The following RNLS variants were observed in gnomAD, a reference collection of about 807,000 sequenced individuals.
The protein encoded by RNLS is renalase, FAD dependent amine oxidase.
In RNLS, 39 loss-of-function variants were observed where a neutral mutation model predicts 39.8. The ratio of observed to expected loss-of-function variants is 0.98; its 90% CI spans 0.76 to 1.28. The LOEUF (loss-of-function observed/expected upper bound fraction) is 1.28, where lower values mean the gene tolerates loss of function less well. RNLS is among the 50% of genes most tolerant of loss of function. The probability of loss-of-function intolerance (pLI) is 0.00; values close to 1 mark genes in which losing one functional copy is unlikely to be tolerated. For missense variants in RNLS, 410 were observed against 413.3 expected (o/e 0.99, Z 0.07); for synonymous variants, 147 against 150.7 (o/e 0.98, Z 0.18).
At chr10:88,475,136 G>A (rs1218919365) in intron 4 of RNLS, among the ~76,000 whole-genome samples, 1 of 152,124 alleles carries the variant, frequency 6.6e-6, no homozygotes, top group East Asian at 1.9e-4. Flanking sequence ...AGGGCGACAG[G>A]GCAGCCCTGG....
intron 4 of RNLS, among the ~76,000 whole-genome samples, chr10:88,364,588 T>C (rs1176371966): frequency 6.6e-6 from 1 of 152,154 alleles, no homozygotes; most frequent in African/African-American, 2.4e-5. Context: ...TTTCCTCTGC[T>C]CATCTGCAAG....
chr10:88,551,536 G>A (rs2134338494), intron 4 of RNLS, among the ~76,000 whole-genome samples: 1 of 152,298 alleles, frequency 6.6e-6, no homozygotes, highest in East Asian at 1.9e-4. Context: ...TTGAATTGGT[G>A]CTCAAGTGAA....
chr10:88,566,344 T>C (rs983561018), intron 4 of RNLS, among the ~76,000 whole-genome samples: 1 of 152,114 alleles, frequency 6.6e-6, no homozygotes, highest in Non-Finnish European at 1.5e-5. Context: ...TGAGAACACA[T>C]ACCTTAACTG....
At chr10:88,222,200 G>T in the RNLS span, among the ~76,000 whole-genome samples, 2 of 152,182 alleles carry the variant, frequency 1.3e-5, no homozygotes, top group Non-Finnish European at 2.9e-5. Flanking sequence ...GACAAGGGAA[G>T]TCTGGTCAGC....
rs898115556 is a variant in RNLS, at chr10:88,520,426, A to C, written c.526+52477T>G. 9.2e-5 allele frequency among the ~76,000 whole-genome samples: 14 copies of C among 152,158 alleles called. No individual in the cohort carries two copies. The South Asian group carries it at 2.9e-3, about 32-fold the overall frequency. On this transcript the variant is annotated intron_variant, in intron 4 of 6. Coordinates refer to ENST00000331772, the MANE Select transcript of RNLS (RefSeq NM_001031709.3). The stretch of plus-strand genomic sequence containing the variant: ...CTTGTGAATTGTCTTCTGGCAGGTC[A>C]GTTTCACCAATCTCATAGACATGCC...
intron 4 of RNLS, among the ~76,000 whole-genome samples, chr10:88,545,131 CGAT>C (rs530804419): frequency 2.0e-3 from 301 of 152,136 alleles, no homozygotes; most frequent in Middle Eastern, 6.8e-3. Context: ...TTAGCTGGAG[CGAT>C]TCTTCTAAGA....
At chr10:88,568,760 G>T (rs1426027715) in intron 4 of RNLS, among the ~76,000 whole-genome samples, 1 of 152,168 alleles carries the variant, frequency 6.6e-6, no homozygotes, top group Non-Finnish European at 1.5e-5. Context: ...CTCAACCCTG[G>T]CTGCACAGTA....
intron 4 of RNLS, among the ~76,000 whole-genome samples, chr10:88,520,313 TTA>T (rs1183751653): frequency 6.6e-6 from 1 of 152,006 alleles, no homozygotes; most frequent in Non-Finnish European, 1.5e-5. Context: ...CTCGCAACAA[TTA>T]TTAAAGTTTT....
At chr10:88,370,145 A>C (rs1485886508) in intron 4 of RNLS, among the ~76,000 whole-genome samples, 1 of 152,158 alleles carries the variant, frequency 6.6e-6, no homozygotes. Flanking sequence ...GTAGAGATCA[A>C]CCTCTTAAAA....
intron 4 of RNLS, among the ~76,000 whole-genome samples, chr10:88,464,295 C>A (rs1843090677): frequency 6.6e-6 from 1 of 152,048 alleles, no homozygotes; most frequent in Non-Finnish European, 1.5e-5. Flanking sequence ...CCTTTATTTT[C>A]TTCTATTTAA....
chr10:88,417,134 T>C (rs192020783), intron 4 of RNLS, among the ~76,000 whole-genome samples: 32 of 152,336 alleles, frequency 2.1e-4, no homozygotes, highest in African/African-American at 7.2e-4. Flanking sequence ...AGCTAAGTTA[T>C]TTTTATTTTC....
intron 3 of RNLS, among the ~76,000 whole-genome samples, chr10:88,577,100 T>C (rs939374931): frequency 1.3e-5 from 2 of 152,134 alleles, no homozygotes; most frequent in African/African-American, 4.8e-5. Context: ...AGGTGACCAA[T>C]TTCCCAGGTT....
chr10:88,284,265 T>C lies in RNLS; in HGVS notation c.*1089A>G. 1.0e-6 allele frequency: 1 copy of C among 985,392 alleles called. No individual in the cohort carries two copies. The highest frequency in any genetic ancestry group is 1.2e-6 in the Non-Finnish European group (1 of 829,912). 61.0% of individuals were successfully genotyped at this position (985,392 alleles called of 1,614,324 possible). A position where few individuals can be genotyped will look rare whatever the true frequency, so the allele number is the denominator to read the frequency against. ...GTAAGTGTGAAACTTTAAACACTAT[T>C]ACAGTAAGAAGTCTTTTGTTGAACT... is the stretch of plus-strand genomic sequence containing the variant. On this transcript the variant is annotated 3_prime_UTR_variant, in exon 7 of 7. Coordinates refer to ENST00000331772, the MANE Select transcript of RNLS (RefSeq NM_001031709.3).
chr10:88,406,675 A>G (rs1318192461), intron 4 of RNLS, among the ~76,000 whole-genome samples: 1 of 152,086 alleles, frequency 6.6e-6, no homozygotes, highest in African/African-American at 2.4e-5. Context: ...AAGTAGAACT[A>G]TCATTTGATC....
chr10:88,455,834 A>G (rs1282701544), intron 4 of RNLS, among the ~76,000 whole-genome samples: 1 of 152,190 alleles, frequency 6.6e-6, no homozygotes, highest in Non-Finnish European at 1.5e-5. Flanking sequence ...CCCACAAAAC[A>G]AAACAAAACA....
Position 88,381,300 on chromosome 10 carries a change from A to C in RNLS, c.527-18575T>G, listed in dbSNP as rs1204998064. On this transcript the variant is annotated intron_variant, in intron 4 of 6. Coordinates refer to ENST00000331772, the MANE Select transcript of RNLS (RefSeq NM_001031709.3). ...CCCATATATCCAGGTCATTTTGTAG[A>C]TCCTTTAGCAAAGTTTTAGAAGTTT... Among the ~76,000 whole-genome samples the C allele has an allele frequency of 2.6e-5, 4 of 152,220 alleles. No individual in the cohort carries two copies. In the South Asian group the frequency reaches 8.3e-4, roughly 32 times the overall value.
At chr10:88,198,990 CACT>C in the RNLS span, among the ~76,000 whole-genome samples, 1 of 152,204 alleles carries the variant, frequency 6.6e-6, no homozygotes, top group Non-Finnish European at 1.5e-5. Flanking sequence ...TCTCTCCCTG[CACT>C]CATTCCACCA....
At chr10:88,224,669 A>G in the RNLS span, among the ~76,000 whole-genome samples, 578 of 152,288 alleles carry the variant, frequency 3.8e-3, 3 homozygotes, top group African/African-American at 0.013. Context: ...AGCTGAAATA[A>G]TAGGTTTGTA....
chr10:88,448,601 A>G (rs890721469), intron 4 of RNLS, among the ~76,000 whole-genome samples: 1 of 152,254 alleles, frequency 6.6e-6, no homozygotes, highest in Non-Finnish European at 1.5e-5. Flanking sequence ...GCGATTTCTT[A>G]CAGATCTAGA....
Sources: allele counts gnomAD v4.1 joint callset (sites outside exome capture counted in the v4.1 genomes callset), GRCh38; gene constraint gnomAD v4.1.1; transcripts MANE v1.5; gene names NCBI Gene and HGNC (gene_info 2026-07-23, HGNC 2026-07-21).